The following IMMP2L variants were observed in gnomAD, a reference collection of about 807,000 sequenced individuals.
IMMP2L encodes the protein inner mitochondrial membrane peptidase subunit 2.
In IMMP2L, 18 loss-of-function variants were observed where a neutral mutation model predicts 19.3. That is an observed-to-expected ratio of 0.93 (90% confidence interval 0.64 to 1.38). The LOEUF is 1.38. IMMP2L is among the 40% of genes most tolerant of loss of function. The pLI, the probability that IMMP2L is intolerant of heterozygous loss-of-function variation, is 0.00. For synonymous variants in IMMP2L, 76 were observed against 73.0 expected (o/e 1.04, Z -0.21); for missense variants, 233 against 218.2 (o/e 1.07, Z -0.43).
intron 1 of IMMP2L, among the ~76,000 whole-genome samples, chr7:111,523,251 A>G (rs1846525198): frequency 6.6e-6 from 1 of 152,014 alleles, no homozygotes; most frequent in Non-Finnish European, 1.5e-5. Context: ...TGTATTCTTG[A>G]AAAATGTAAA....
At position 110,996,654 on chromosome 7, in the gene IMMP2L, G is replaced by A. The variant is rs969176415; in HGVS notation, c.240-33089C>T. The stretch of plus-strand genomic sequence containing the variant: ...AAATCCTCTTTTTTTTTCTGAGTGA[G>A]CTACAAAAATATATAGGCCCTTTTC... On this transcript the variant is annotated intron_variant, in intron 3 of 5. Transcript: ENST00000405709. Among the ~76,000 whole-genome samples the A allele has an allele frequency of 5.3e-5, 8 of 151,796 alleles. No homozygotes were observed. In the Middle Eastern group the frequency reaches 0.01, roughly 194 times the overall value.
intron 5 of IMMP2L, among the ~76,000 whole-genome samples, chr7:110,884,682 G>A (rs569278847): frequency 2.6e-5 from 4 of 152,074 alleles, no homozygotes; most frequent in African/African-American, 4.8e-5. Flanking sequence ...TTTCACTTGC[G>A]AGTTGCTACA....
intron 3 of IMMP2L, among the ~76,000 whole-genome samples, chr7:111,029,846 T>C (rs1373002948): frequency 6.6e-6 from 1 of 152,184 alleles, no homozygotes; most frequent in Non-Finnish European, 1.5e-5. Context: ...AGAAAATTAT[T>C]GCTAGTCAAA....
intron 3 of IMMP2L, among the ~76,000 whole-genome samples, chr7:111,484,133 C>A (rs1842422646): frequency 6.6e-6 from 1 of 152,100 alleles, no homozygotes; most frequent in South Asian, 2.1e-4. Context: ...TTCCTTATAC[C>A]ACCTACCACC....
chr7:111,283,272 T>C (rs1269330543), intron 3 of IMMP2L, among the ~76,000 whole-genome samples: 4 of 152,036 alleles, frequency 2.6e-5, no homozygotes, highest in Non-Finnish European at 5.9e-5. Flanking sequence ...CAGAACATTG[T>C]GGTAAATGCA....
At chr7:111,288,686 G>A (rs533247314) in intron 3 of IMMP2L, among the ~76,000 whole-genome samples, 48 of 152,212 alleles carry the variant, frequency 3.2e-4, no homozygotes, top group Non-Finnish European at 6.0e-4. Flanking sequence ...ATCACTGGTC[G>A]TTAGAGAAAT....
intron 5 of IMMP2L, among the ~76,000 whole-genome samples, chr7:110,688,808 G>A (rs1012755761): frequency 6.6e-6 from 1 of 151,868 alleles, no homozygotes; most frequent in Non-Finnish European, 1.5e-5. Flanking sequence ...GCTTTTAAAA[G>A]GATATGTATT....
rs189992173 is a variant in IMMP2L, at chr7:111,255,083, T to C, written c.239+232155A>G. ...TATACTGATGAAACTGCCAGTTAAA[T>C]AGCAATTCCACCTCCACCCCAATCC... On this transcript the variant is annotated intron_variant, in intron 3 of 5. Coordinates refer to ENST00000405709, the MANE Select transcript of IMMP2L (RefSeq NM_032549.4). Among the ~76,000 whole-genome samples the C allele has an allele frequency of 1.4e-3, 211 of 152,216 alleles. 1 individual carries two copies. The highest frequency in any genetic ancestry group is 4.8e-3 in the African/African-American group (200 of 41,544).
intron 3 of IMMP2L, chr7:111,394,890 C>A (rs1169221048): frequency 8.5e-6 from 2 of 234,316 alleles, no homozygotes; most frequent in Non-Finnish European, 1.9e-5. Context: ...TCAGGCTACT[C>A]GACATGCAGA....
chr7:111,226,800 A>G (rs1468222294), intron 3 of IMMP2L, among the ~76,000 whole-genome samples: 1 of 152,146 alleles, frequency 6.6e-6, no homozygotes, highest in East Asian at 1.9e-4. Flanking sequence ...AGTATCTTTG[A>G]GTCTACAATA....
intron 3 of IMMP2L, among the ~76,000 whole-genome samples, chr7:111,089,941 A>G (rs1796679178): frequency 6.6e-6 from 1 of 151,960 alleles, no homozygotes; most frequent in Admixed American, 6.6e-5. Flanking sequence ...AGGAGCAATT[A>G]GATGTGAAGG....
intron 3 of IMMP2L, among the ~76,000 whole-genome samples, chr7:110,990,049 G>A (rs1822290533): frequency 6.6e-6 from 1 of 152,066 alleles, no homozygotes; most frequent in Non-Finnish European, 1.5e-5. Context: ...TATTTTCTGT[G>A]TATGGATCAG....
intron 3 of IMMP2L, among the ~76,000 whole-genome samples, chr7:111,000,470 G>A (rs562558607): frequency 9.4e-4 from 143 of 152,280 alleles, no homozygotes; most frequent in African/African-American, 3.2e-3. Flanking sequence ...ATATATTTGG[G>A]TGATGGGGGG....
Position 111,224,572 on chromosome 7 carries a change from G to C in IMMP2L, c.240-261007C>G, listed in dbSNP as rs560975756. ...AGACTAAGGTAGATACTTGGTGACA[G>C]AGGGTGACAAGATGCAGAATACTGT... On this transcript the variant is annotated intron_variant, in intron 3 of 5. Coordinates refer to ENST00000405709, the MANE Select transcript of IMMP2L (RefSeq NM_032549.4). Among the ~76,000 whole-genome samples the C allele has an allele frequency of 9.3e-4, 142 of 152,240 alleles. 2 individuals carry two copies. Among genetic ancestry groups the C allele is most frequent in the South Asian group, 6.2e-4 (3 of 4,820 alleles).
At chr7:111,272,421 G>A (rs2130323979) in intron 3 of IMMP2L, among the ~76,000 whole-genome samples, 1 of 152,130 alleles carries the variant, frequency 6.6e-6, no homozygotes, top group East Asian at 1.9e-4. Context: ...TTCTCAAAAG[G>A]CACTGTACAC....
intron 3 of IMMP2L, among the ~76,000 whole-genome samples, chr7:111,076,655 T>C (rs754176604): frequency 2.0e-5 from 3 of 152,304 alleles, no homozygotes; most frequent in African/African-American, 4.8e-5. Context: ...AGCTAAATCA[T>C]AGGGAATCCC....
intron 3 of IMMP2L, among the ~76,000 whole-genome samples, chr7:111,205,644 AAATT>A (rs764149944): frequency 1.4e-4 from 21 of 152,188 alleles, no homozygotes; most frequent in Non-Finnish European, 1.8e-4. Flanking sequence ...CATTAAATAA[AAATT>A]AATAATAACA....
At chr7:110,722,307 T>C (rs1012091297) in intron 5 of IMMP2L, among the ~76,000 whole-genome samples, 4 of 152,056 alleles carry the variant, frequency 2.6e-5, no homozygotes, top group African/African-American at 9.7e-5. Context: ...CATTAAGTAG[T>C]TAATACATAC....
At position 111,195,352 on chromosome 7, in the gene IMMP2L, A is replaced by G. The variant is rs192667237; in HGVS notation, c.240-231787T>C. 6.3e-3 allele frequency among the ~76,000 whole-genome samples: 957 copies of G among 152,202 alleles called. 9 individuals carry two copies. The highest frequency in any genetic ancestry group is 9.1e-3 in the Non-Finnish European group (621 of 67,986). On this transcript the variant is annotated intron_variant, in intron 3 of 5. Coordinates refer to ENST00000405709, the MANE Select transcript of IMMP2L (RefSeq NM_032549.4). ...TCTGTTTCAACTGATACCAATTTCT[A>G]TGATCTCAATACAAACTGGACGGAC...
Sources: allele counts gnomAD v4.1 joint callset (sites outside exome capture counted in the v4.1 genomes callset), GRCh38; gene constraint gnomAD v4.1.1; transcripts MANE v1.5; gene names NCBI Gene and HGNC (gene_info 2026-07-23, HGNC 2026-07-21).